XYLT1: variants seen among roughly 807,000 people sequenced by gnomAD.
The protein encoded by XYLT1 is xylosyltransferase 1.
Under a neutral mutation model 91.3 loss-of-function variants are expected in XYLT1, and 36 were observed. That is an observed-to-expected ratio of 0.39 (90% CI 0.30 to 0.52). The LOEUF (loss-of-function observed/expected upper bound fraction) is 0.52, where lower values mean the gene tolerates loss of function less well. Among genes scored for constraint, XYLT1 ranks in the 20% least tolerant of loss-of-function variants. The pLI is 0.68. For missense variants in XYLT1, 1,242 were observed against 1,284.5 expected (o/e 0.97, Z 0.51); for synonymous variants, 588 against 532.0 (o/e 1.11, Z -1.45).
At chr16:17,244,906 CAA>C (rs34890183) in intron 3 of XYLT1, among the ~76,000 whole-genome samples, 1 of 151,946 alleles carries the variant, frequency 6.6e-6, no homozygotes, top group African/African-American at 2.4e-5. Flanking sequence ...GCAACAACAA[CAA>C]AAAAATCATC....
chr16:17,298,132 A>C (rs559038892), intron 2 of XYLT1, among the ~76,000 whole-genome samples: 1 of 152,282 alleles, frequency 6.6e-6, no homozygotes, highest in South Asian at 2.1e-4. Context: ...ACTTGCCAAA[A>C]TTTTTGTCTC....
chr16:17,259,259 A>C lies in XYLT1; in HGVS notation c.642T>G (p.Gly214=). The C allele has an allele frequency of 6.2e-7, 1 of 1,613,784 alleles. No individual in the cohort carries two copies. The highest frequency in any genetic ancestry group is 1.1e-5 in the South Asian group (1 of 91,032). The change falls in exon 3 of 12, where the codon GGT becomes GGG. Residue 214 remains glycine (G), a synonymous_variant. Transcript: ENST00000261381. ...CTCTGTCCCCGGGAGGCAGCACCTC[A>C]CCGGGGCCTTTCCCAGGGAATGTAT... ...KGHTFPGKGP[G]EVLPPGDRAA...
At chr16:17,136,604 T>C (rs1242857393) in intron 8 of XYLT1, among the ~76,000 whole-genome samples, 3 of 152,008 alleles carry the variant, frequency 2.0e-5, no homozygotes, top group Non-Finnish European at 3.0e-5. Context: ...AGCCCCTTGT[T>C]ACCAGGAACC....
intron 2 of XYLT1, among the ~76,000 whole-genome samples, chr16:17,322,499 A>G (rs2034739515): frequency 6.6e-6 from 1 of 152,228 alleles, no homozygotes; most frequent in Non-Finnish European, 1.5e-5. Context: ...GTTTAGATCC[A>G]GAATCTGGCT....
At chr16:17,379,751 TCTCTCTCTCTCTCA>T (rs1199356219) in intron 1 of XYLT1, among the ~76,000 whole-genome samples, 1 of 124,446 alleles carries the variant, frequency 8.0e-6, no homozygotes, top group Non-Finnish European at 1.8e-5. Context: ...TCTCTCTCTC[TCTCTCTCTCTCTCA>T]CACACACACA....
intron 7 of XYLT1, among the ~76,000 whole-genome samples, chr16:17,139,069 C>G (rs2030880477): frequency 6.6e-6 from 1 of 152,148 alleles, no homozygotes; most frequent in Non-Finnish European, 1.5e-5. Flanking sequence ...TATTTTCTCC[C>G]TAATCCCAGG....
At chr16:17,386,201 C>G (rs944422642) in intron 1 of XYLT1, among the ~76,000 whole-genome samples, 3 of 152,166 alleles carry the variant, frequency 2.0e-5, no homozygotes, top group African/African-American at 2.4e-5. Context: ...AAAAGCACCC[C>G]CTTCGCCAGG....
Position 17,363,302 on chromosome 16 carries a change from A to G in XYLT1, c.364-5252T>C, listed in dbSNP as rs554176043. Among the ~76,000 whole-genome samples the G allele has an allele frequency of 3.9e-5, 6 of 152,326 alleles. No homozygotes were observed. The South Asian group carries it at 1.2e-3, about 32-fold the overall frequency. On this transcript the variant is annotated intron_variant, in intron 1 of 11. Coordinates refer to ENST00000261381, the MANE Select transcript of XYLT1 (RefSeq NM_022166.4). ...GGTCGCCCCAGAGTTCAAACCATAC[A>G]TAACCACTGTATTCATTTGCTAGGG...
intron 6 of XYLT1, among the ~76,000 whole-genome samples, chr16:17,152,002 G>A (rs900188805): frequency 3.0e-4 from 46 of 152,280 alleles, no homozygotes; most frequent in African/African-American, 5.5e-4. Context: ...ATCGCCAAGC[G>A]TCTAAAGGTC....
intron 1 of XYLT1, among the ~76,000 whole-genome samples, chr16:17,378,754 G>A (rs1024635372): frequency 1.3e-5 from 2 of 152,180 alleles, no homozygotes; most frequent in African/African-American, 4.8e-5. Context: ...AAAAGTAACT[G>A]GCCCAGTGCT....
chr16:17,406,726 C>A (rs533743745), intron 1 of XYLT1, among the ~76,000 whole-genome samples: 1 of 152,114 alleles, frequency 6.6e-6, no homozygotes, highest in Non-Finnish European at 1.5e-5. Flanking sequence ...GGGACCACAA[C>A]GCCCATTTAA....
At chr16:17,155,355 GC>G (rs67602437) in intron 6 of XYLT1, among the ~76,000 whole-genome samples, 10,678 of 152,250 alleles carry the variant, frequency 0.07, 457 homozygotes, top group East Asian at 0.15. Context: ...GAGAGTCTGG[GC>G]CTGATGATAT....
chr16:17,305,298 T>C (rs2034453987), intron 2 of XYLT1, among the ~76,000 whole-genome samples: 1 of 152,220 alleles, frequency 6.6e-6, no homozygotes, highest in African/African-American at 2.4e-5. Flanking sequence ...CCCTATCTAG[T>C]TTCCAAAACA....
intron 1 of XYLT1, among the ~76,000 whole-genome samples, chr16:17,453,210 C>T (rs1161424779): frequency 5.9e-5 from 9 of 152,204 alleles, no homozygotes; most frequent in African/African-American, 4.8e-5. Context: ...AAAAGTAATA[C>T]TAAAACAGCA....
At position 17,428,244 on chromosome 16, in the gene XYLT1, A is replaced by G. The variant is rs2036342968; in HGVS notation, c.363+42190T>C. 2.0e-5 allele frequency among the ~76,000 whole-genome samples: 3 copies of G among 152,188 alleles called. No homozygotes were observed. The South Asian group carries it at 6.2e-4, about 32-fold the overall frequency. ...GATGATCTGCCCGCCTCAGCCTCCC[A>G]AAGTGCTGGGATTAAAGGCATGAGC... On this transcript the variant is annotated intron_variant, in intron 1 of 11. Coordinates refer to ENST00000261381, the MANE Select transcript of XYLT1 (RefSeq NM_022166.4).
chr16:17,341,386 G>A (rs556399529), intron 2 of XYLT1, among the ~76,000 whole-genome samples: 98 of 152,284 alleles, frequency 6.4e-4, no homozygotes, highest in Middle Eastern at 3.4e-3. Context: ...AAATAACGAC[G>A]AAGAATGATA....
chr16:17,437,341 TC>T (rs1464698911), intron 1 of XYLT1, among the ~76,000 whole-genome samples: 1 of 151,938 alleles, frequency 6.6e-6, no homozygotes, highest in Non-Finnish European at 1.5e-5. Context: ...TGGGCTAAAC[TC>T]CCACATGTGG....
chr16:17,242,106 C>G (rs1422280788), intron 3 of XYLT1, among the ~76,000 whole-genome samples: 3 of 152,176 alleles, frequency 2.0e-5, no homozygotes, highest in African/African-American at 2.4e-5. Flanking sequence ...ATTCAATTAC[C>G]TCCCACTAGG....
intron 2 of XYLT1, among the ~76,000 whole-genome samples, chr16:17,277,644 C>A (rs1426713784): frequency 6.6e-6 from 1 of 152,178 alleles, no homozygotes; most frequent in African/African-American, 2.4e-5. Flanking sequence ...CCTGCCTCGG[C>A]CTCCCAAAGT....
Sources: gnomAD v4.1 joint callset for allele counts (sites outside exome capture counted in the v4.1 genomes callset) on GRCh38, gnomAD v4.1.1 for gene constraint, MANE v1.5 for transcripts, NCBI Gene and HGNC (gene_info 2026-07-23, HGNC 2026-07-21) for gene names.